MVK: variants seen among roughly 807,000 people sequenced by gnomAD.
The protein encoded by MVK is mevalonate kinase.
In MVK, 34 loss-of-function variants were observed where a neutral mutation model predicts 43.2. The observed-to-expected ratio is 0.79, with a 90% CI of 0.60 to 1.05. The LOEUF is 1.05. Ranked by LOEUF, MVK falls within the 50% of genes least tolerant of loss-of-function variation. The pLI, the probability that MVK is intolerant of heterozygous loss-of-function variation, is 0.00. For missense variants in MVK, 395 were observed against 504.0 expected (o/e 0.78, Z 2.07); for synonymous variants, 190 against 219.8 (o/e 0.86, Z 1.20).
upstream of MVK, chr12:109,573,515 G>A (rs1471461507): frequency 1.3e-6 from 2 of 1,578,748 alleles, no homozygotes; most frequent in Non-Finnish European, 1.7e-6. Context: ...GACCCCGCCA[G>A]GTTCCCGTCC....
At position 109,579,893 on chromosome 12, in the gene MVK, C is replaced by G. The variant is rs754248767; in HGVS notation, c.318C>G (p.Arg106=). 1.9e-6 allele frequency: 3 copies of G among 1,614,248 alleles called. No individual in the cohort carries two copies. In the Admixed American group the frequency reaches 5.0e-5, roughly 27 times the overall value. Residue 106 remains arginine, a synonymous_variant, in exon 4 of 11, where the codon CGC becomes CGG. Transcript: ENST00000228510. ...CTGACGACTGTGCTGTCACCGAGCG[C>G]CTGGCTGTGCTGGCCTTTCTTTACT... ...GLPDDCAVTE[R]LAVLAFLYLY...
intron 9 of MVK, among the ~76,000 whole-genome samples, chr12:109,591,974 A>C (rs1885701821): frequency 6.6e-6 from 1 of 152,202 alleles, no homozygotes; most frequent in South Asian, 2.1e-4. Flanking sequence ...AGACGGGCGC[A>C]GTGGCTCACC....
chr12:109,579,660 C>G, intron 3 of MVK, 142 bp from the exon 4 acceptor site: 1 of 1,169,798 alleles, frequency 8.5e-7, no homozygotes, highest in South Asian at 1.3e-5. Flanking sequence ...AATGAACAGA[C>G]TTGGGTGTGG....
chr12:109,594,744 CCCATCCCTGA>C (rs1885839881), intron 9 of MVK, among the ~76,000 whole-genome samples: 1 of 152,220 alleles, frequency 6.6e-6, no homozygotes, highest in Non-Finnish European at 1.5e-5. Context: ...GGACCACATG[CCCATCCCTGA>C]TCAGTCACCA....
intron 2 of MVK, 89 bp from the exon 3 acceptor site, chr12:109,575,909 T>C: frequency 6.6e-7 from 1 of 1,507,726 alleles, no homozygotes; most frequent in Non-Finnish European, 9.1e-7. Flanking sequence ...GTGGCCTCTG[T>C]GCTTATGTTT....
Position 109,574,806 on chromosome 12 carries a change from T to C in MVK, c.-14-3T>C. On this transcript the variant is annotated splice_polypyrimidine_tract_variant and splice_region_variant and intron_variant, in intron 1 of 10. Transcript: ENST00000228510. Reference sequence around the variant, plus strand: ...TGCTCTTCTCATTGGCTTTCCCTTTTAGGATTCCCAGGAGCCATGTTGTCA... The same window carrying C: ...TGCTCTTCTCATTGGCTTTCCCTTTCAGGATTCCCAGGAGCCATGTTGTCA... The C allele has an allele frequency of 6.3e-7, 1 of 1,586,658 alleles. No individual in the cohort carries two copies. Among genetic ancestry groups the C allele is most frequent in the East Asian group, 2.3e-5 (1 of 44,262 alleles).
Position 109,596,646 on chromosome 12 carries a change from ACT to A in MVK, c.*72_*73del. On this transcript the variant is annotated 3_prime_UTR_variant, in exon 11 of 11. Coordinates refer to ENST00000228510, the MANE Select transcript of MVK (RefSeq NM_000431.4). The stretch of plus-strand genomic sequence containing the variant: ...GGATTATTCTGGGGGCTGCAGTTCG[ACT>A]CTGTGCTGGCCAGCGAGCGCCCAGC... 2.5e-6 allele frequency: 4 copies of A among 1,580,304 alleles called. No homozygotes were observed. Among genetic ancestry groups the A allele is most frequent in the Non-Finnish European group, 3.4e-6 (4 of 1,168,130 alleles).
Position 109,579,958 on chromosome 12 carries a change from G to C in MVK, c.371+12G>C. ...TGCCGGAAGCAGAGGTGTGTGCGTGGTCTGGGGAAGGAGTCCAGATTCAGC... is the reference window on the plus strand; with the variant it reads ...TGCCGGAAGCAGAGGTGTGTGCGTGCTCTGGGGAAGGAGTCCAGATTCAGC... On this transcript the variant is annotated intron_variant, in intron 4 of 10. Transcript: ENST00000228510. The C allele has an allele frequency of 6.2e-7, 1 of 1,614,192 alleles. No individual in the cohort carries two copies. Among genetic ancestry groups the C allele is most frequent in the South Asian group, 1.1e-5 (1 of 91,088 alleles).
chr12:109,591,139 G>A (rs573351434), intron 8 of MVK, 102 bp from the exon 9 acceptor site: 36 of 1,169,948 alleles, frequency 3.1e-5, no homozygotes, highest in South Asian at 8.5e-5. Context: ...GGATGGGCAC[G>A]GGCTGTGTGA....
At chr12:109,582,327 T>C (rs962056751) in intron 5 of MVK, among the ~76,000 whole-genome samples, 3 of 151,782 alleles carry the variant, frequency 2.0e-5, no homozygotes, top group African/African-American at 7.3e-5. Context: ...TTTGTTTGTT[T>C]GTTTGTTTGT....
At chr12:109,584,807 C>T (rs904029290) in intron 5 of MVK, among the ~76,000 whole-genome samples, 2 of 152,210 alleles carry the variant, frequency 1.3e-5, no homozygotes, top group Non-Finnish European at 2.9e-5. Flanking sequence ...ATCGCTTGAA[C>T]CCAGGAGGCA....
intron 9 of MVK, among the ~76,000 whole-genome samples, chr12:109,593,672 T>G (rs1035916636): frequency 1.3e-5 from 2 of 151,264 alleles, no homozygotes; most frequent in African/African-American, 4.9e-5. Context: ...TGCCAGGCAT[T>G]GAACAGAAAA....
At chr12:109,592,193 C>T (rs535395876) in intron 9 of MVK, among the ~76,000 whole-genome samples, 29 of 152,266 alleles carry the variant, frequency 1.9e-4, no homozygotes, top group African/African-American at 6.5e-4. Flanking sequence ...GTAGCCTGGG[C>T]GACAGAATGA....
At position 109,595,182 on chromosome 12, in the gene MVK, G is replaced by T. The variant is rs104895362; in HGVS notation, c.1039+1G>T. On this transcript the variant is annotated splice_donor_variant, in intron 10 of 10. Transcript: ENST00000228510. LOFTEE classifies it high-confidence loss of function. This position sits in a 1 kb window ranked among gnomAD's most constrained non-coding sequence, Gnocchi z 5.9. ...TGTGGCATCACACTCCTCAAGCCAG[G>T]TATCCCGGGGGTAGGTGGGCCAGGC... is the stretch of plus-strand genomic sequence containing the variant. 4 of 1,614,010 alleles carry T rather than the reference G, an allele frequency of 2.5e-6. No individual in the cohort carries two copies. Among genetic ancestry groups the T allele is most frequent in the Admixed American group, 1.7e-5 (1 of 60,028 alleles).
chr12:109,574,447 G>GA (rs1491103775), intron 1 of MVK, among the ~76,000 whole-genome samples: 1 of 152,222 alleles, frequency 6.6e-6, no homozygotes, highest in Non-Finnish European at 1.5e-5. Context: ...GTAATTGAAT[G>GA]ATTAGTAGGT....
Position 109,595,116 on chromosome 12 carries a change from G to A in MVK, c.974G>A (p.Arg325His), listed in dbSNP as rs374686559. The change falls in exon 10 of 11, where the codon CGC becomes CAC. Residue 325 changes from arginine (R) to histidine (H), a missense_variant. Physicochemically the swap from Arg to His is conservative, Grantham distance 29 (BLOSUM62 0). Transcript: ENST00000228510. The surrounding 1 kb of genome is among the most constrained non-coding windows in gnomAD (Gnocchi z 5.9). ...LDQLCQVTRARGLHSKLTGAG... is the reference protein window; with the variant it reads ...LDQLCQVTRAHGLHSKLTGAG... ...CAGCTCTGCCAGGTGACCAGGGCCCGCGGACTTCACAGCAAGCTGACTGGC... is the reference window on the plus strand; with the variant it reads ...CAGCTCTGCCAGGTGACCAGGGCCCACGGACTTCACAGCAAGCTGACTGGC... 48 of 1,614,066 alleles carry A rather than the reference G, an allele frequency of 3.0e-5. No individual in the cohort carries two copies. The highest frequency in any genetic ancestry group is 5.3e-5 in the African/African-American group (4 of 74,936).
upstream of MVK, chr12:109,573,670 C>G: frequency 4.2e-6 from 3 of 711,522 alleles, no homozygotes; most frequent in Non-Finnish European, 7.2e-6. Flanking sequence ...GCGGGAAAAC[C>G]CGTGTCGGCT....
At chr12:109,580,719 T>C (rs1459538266) in intron 4 of MVK, among the ~76,000 whole-genome samples, 2 of 152,152 alleles carry the variant, frequency 1.3e-5, no homozygotes, top group African/African-American at 4.8e-5. Flanking sequence ...TTCGTGGAAA[T>C]TACCAAACAT....
chr12:109,591,427 C>A, intron 9 of MVK, 70 bp downstream of exon 9: 1 of 1,443,016 alleles, frequency 6.9e-7, no homozygotes, highest in South Asian at 1.2e-5. Flanking sequence ...GCTCTGCAAT[C>A]TGGCTGTGCT....
Sources: allele counts gnomAD v4.1 joint callset (sites outside exome capture counted in the v4.1 genomes callset), GRCh38; gene constraint gnomAD v4.1.1; non-coding constraint Gnocchi (gnomAD v3.1); transcripts MANE v1.5; gene names NCBI Gene and HGNC (gene_info 2026-07-23, HGNC 2026-07-21).